Variants in SEMA5A observed in about 807,000 individuals in gnomAD.
The protein encoded by SEMA5A is semaphorin-5A.
A neutral mutation model predicts 135.5 loss-of-function variants in SEMA5A; 55 were observed. The observed-to-expected ratio is 0.41, with a 90% CI of 0.33 to 0.51. The LOEUF is 0.51. SEMA5A is among the 20% of genes least tolerant of loss of function. SEMA5A has a pLI of 0.37. For missense variants in SEMA5A, 1,290 were observed against 1,419.9 expected, an observed-to-expected ratio of 0.91 and a Z score of 1.47; for synonymous variants, 580 against 546.5, an observed-to-expected ratio of 1.06 and a Z score of -0.85.
At chr5:9,532,440 CTTT>C (rs4045370) in intron 1 of SEMA5A, among the ~76,000 whole-genome samples, 33,862 of 125,296 alleles carry the variant, frequency 0.27, 3,183 homozygotes, top group East Asian at 0.39. Flanking sequence ...TAATTTTTTT[CTTT>C]TTTTTTTTTT....
intron 6 of SEMA5A, among the ~76,000 whole-genome samples, 194 bp from the exon 7 acceptor site, chr5:9,227,161 A>T (rs991542790): frequency 1.3e-5 from 2 of 152,186 alleles, no homozygotes; most frequent in African/African-American, 2.4e-5. Flanking sequence ...AAATAACAAC[A>T]GAGCTATTAA....
intron 5 of SEMA5A, among the ~76,000 whole-genome samples, chr5:9,276,715 G>T (rs993249529): frequency 2.6e-5 from 4 of 152,164 alleles, no homozygotes; most frequent in African/African-American, 9.7e-5. Context: ...ATGGGGAAAG[G>T]ATTCCCTCTT....
intron 5 of SEMA5A, among the ~76,000 whole-genome samples, chr5:9,312,344 CAAAAAA>C (rs11311020): frequency 2.3e-5 from 2 of 88,556 alleles, no homozygotes; most frequent in East Asian, 6.7e-4. Flanking sequence ...CAGTGAGTTG[CAAAAAA>C]AAAAAAAAAA....
intron 11 of SEMA5A, among the ~76,000 whole-genome samples, chr5:9,163,193 C>T (rs1009819423): frequency 3.9e-5 from 6 of 152,086 alleles, no homozygotes; most frequent in African/African-American, 1.4e-4. Flanking sequence ...CTTCAAGCTC[C>T]CATTTCTATG....
chr5:9,536,670 T>C (rs1737786791), intron 1 of SEMA5A, among the ~76,000 whole-genome samples: 1 of 151,990 alleles, frequency 6.6e-6, no homozygotes, highest in Non-Finnish European at 1.5e-5. Context: ...CTTTCCAGTT[T>C]AGATCACCCA....
At chr5:9,329,497 C>A (rs947296937) in intron 4 of SEMA5A, among the ~76,000 whole-genome samples, 4 of 152,228 alleles carry the variant, frequency 2.6e-5, no homozygotes, top group African/African-American at 9.6e-5. Flanking sequence ...ATCTTTGTTT[C>A]TCTAATGCCT....
chr5:9,084,245 G>A (rs1738555290), intron 16 of SEMA5A, among the ~76,000 whole-genome samples: 1 of 152,178 alleles, frequency 6.6e-6, no homozygotes, highest in African/African-American at 2.4e-5. Context: ...CAAATTAAAA[G>A]ACTAGAGTAT....
chr5:9,149,534 C>T (rs1191334160), intron 12 of SEMA5A, among the ~76,000 whole-genome samples: 1 of 152,166 alleles, frequency 6.6e-6, no homozygotes, highest in African/African-American at 2.4e-5. Context: ...GTCCCAGCTA[C>T]TTGGGAGGCT....
intron 2 of SEMA5A, among the ~76,000 whole-genome samples, chr5:9,395,955 C>A (rs1173219770): frequency 6.6e-6 from 1 of 152,112 alleles, no homozygotes; most frequent in African/African-American, 2.4e-5. Context: ...ATAAACACTT[C>A]ATTCTGGAAG....
chr5:9,535,090 C>T (rs115549406), intron 1 of SEMA5A, among the ~76,000 whole-genome samples: 2,534 of 152,334 alleles, frequency 0.017, 30 homozygotes, highest in Non-Finnish European at 0.024. Flanking sequence ...TCCCACCTCC[C>T]AGCTTCATCC....
intron 5 of SEMA5A, among the ~76,000 whole-genome samples, chr5:9,285,887 GAAA>G (rs957638837): frequency 6.6e-6 from 1 of 152,148 alleles, no homozygotes; most frequent in Non-Finnish European, 1.5e-5. Context: ...AAAATACGCA[GAAA>G]AATAGATTTA....
chr5:9,179,710 T>A (rs529855564), intron 11 of SEMA5A, among the ~76,000 whole-genome samples: 1 of 152,338 alleles, frequency 6.6e-6, no homozygotes, highest in African/African-American at 2.4e-5. Flanking sequence ...TATTTTTTCA[T>A]TTTAATCGGG....
At chr5:9,202,775 A>G (rs1457523334) in intron 8 of SEMA5A, among the ~76,000 whole-genome samples, 5 of 152,218 alleles carry the variant, frequency 3.3e-5, no homozygotes, top group Non-Finnish European at 7.3e-5. Flanking sequence ...TGGGAATGAA[A>G]ATAAAGACTA....
chr5:9,416,058 G>T (rs1326770633), intron 2 of SEMA5A, among the ~76,000 whole-genome samples: 1 of 152,178 alleles, frequency 6.6e-6, no homozygotes, highest in African/African-American at 2.4e-5. Flanking sequence ...TCTACTTGTT[G>T]TTCCAAGTAT....
At chr5:9,053,485 A>T (rs1736709618) in intron 19 of SEMA5A, among the ~76,000 whole-genome samples, 1 of 152,166 alleles carries the variant, frequency 6.6e-6, no homozygotes, top group Non-Finnish European at 1.5e-5. Context: ...ATTACAGCCC[A>T]TCGACCATGG....
intron 12 of SEMA5A, among the ~76,000 whole-genome samples, chr5:9,137,929 T>C (rs1004989919): frequency 5.9e-5 from 9 of 152,162 alleles, no homozygotes; most frequent in Admixed American, 4.6e-4. Context: ...AGGCACTACA[T>C]TGACTGTCGC....
At chr5:9,302,961 A>G (rs897271978) in intron 5 of SEMA5A, among the ~76,000 whole-genome samples, 2 of 152,206 alleles carry the variant, frequency 1.3e-5, no homozygotes, top group African/African-American at 4.8e-5. Context: ...TCATGCATAT[A>G]TATGACAGAC....
chr5:9,336,163 G>A (rs1484295147), intron 4 of SEMA5A, among the ~76,000 whole-genome samples: 1 of 152,108 alleles, frequency 6.6e-6, no homozygotes, highest in Non-Finnish European at 1.5e-5. Flanking sequence ...TCCAGAAAAT[G>A]AGAAAGAGGT....
At chr5:9,239,008 T>C (rs1454253157) in intron 5 of SEMA5A, among the ~76,000 whole-genome samples, 1 of 152,192 alleles carries the variant, frequency 6.6e-6, no homozygotes, top group East Asian at 1.9e-4. Context: ...GTTTTCTTTC[T>C]AATTATCCAA....
Sources: gnomAD v4.1 joint callset for allele counts (sites outside exome capture counted in the v4.1 genomes callset) on GRCh38, gnomAD v4.1.1 for gene constraint, MANE v1.5 for transcripts, NCBI Gene and HGNC (gene_info 2026-07-23, HGNC 2026-07-21) for gene names.